Variants in PTPRM observed in about 807,000 individuals in gnomAD.
The protein encoded by PTPRM is protein tyrosine phosphatase receptor type M, also known as receptor-type tyrosine-protein phosphatase mu.
A neutral mutation model predicts 186.7 loss-of-function variants in PTPRM; 47 were observed. That is an observed-to-expected ratio of 0.25 (90% CI 0.20 to 0.32). PTPRM has a LOEUF of 0.32. Among genes scored for constraint, PTPRM ranks in the 10% least tolerant of loss-of-function variants. PTPRM has a pLI of 1.00. For synonymous variants in PTPRM, 668 were observed against 674.9 expected (o/e 0.99, Z 0.16); for missense variants, 1,494 against 1,865.0 (o/e 0.80, Z 3.66).
chr18:7,631,678 G>T (rs2038195059), intron 1 of PTPRM, among the ~76,000 whole-genome samples: 1 of 152,076 alleles, frequency 6.6e-6, no homozygotes, highest in African/African-American at 2.4e-5. Context: ...GCTATTGTTA[G>T]TGTTGGTATG....
At chr18:8,094,218 A>T (rs1010455873) in intron 11 of PTPRM, among the ~76,000 whole-genome samples, 1 of 152,154 alleles carries the variant, frequency 6.6e-6, no homozygotes, top group African/African-American at 2.4e-5. Flanking sequence ...TTAAGATATA[A>T]ATATTCTGGC....
At chr18:8,087,126 A>T (rs761600515) in intron 10 of PTPRM, among the ~76,000 whole-genome samples, 3 of 152,134 alleles carry the variant, frequency 2.0e-5, no homozygotes, top group Non-Finnish European at 4.4e-5. Context: ...ACTCCTACAT[A>T]CAAATTAAGA....
At chr18:8,198,804 G>A (rs983185963) in intron 14 of PTPRM, among the ~76,000 whole-genome samples, 4 of 152,140 alleles carry the variant, frequency 2.6e-5, no homozygotes, top group African/African-American at 7.2e-5. Context: ...CTAAGATACC[G>A]ATAGCCCCCC....
chr18:8,051,457 C>T (rs1005884595), intron 7 of PTPRM, among the ~76,000 whole-genome samples: 3 of 152,216 alleles, frequency 2.0e-5, no homozygotes, highest in African/African-American at 7.2e-5. Flanking sequence ...GTCTCCAGAA[C>T]AGAGGTAGCC....
intron 7 of PTPRM, among the ~76,000 whole-genome samples, chr18:7,978,504 A>G (rs899183447): frequency 1.3e-5 from 2 of 152,228 alleles, no homozygotes; most frequent in Non-Finnish European, 2.9e-5. Flanking sequence ...CCCAAAGGAT[A>G]TCTAGACTTA....
At chr18:8,109,475 A>G (rs1278853058) in intron 11 of PTPRM, among the ~76,000 whole-genome samples, 4 of 152,208 alleles carry the variant, frequency 2.6e-5, no homozygotes, top group Non-Finnish European at 5.9e-5. Context: ...ATGAGTGGAT[A>G]GTAGCCATTT....
chr18:7,969,860 G>T (rs2054418080), intron 7 of PTPRM, among the ~76,000 whole-genome samples: 1 of 3,480 alleles, frequency 2.9e-4, no homozygotes. Context: ...TGGATTCACA[G>T]CCGAATTCTA....
chr18:7,985,195 A>C (rs2082857068), intron 7 of PTPRM, among the ~76,000 whole-genome samples: 1 of 124,642 alleles, frequency 8.0e-6, no homozygotes, highest in Non-Finnish European at 1.6e-5. Context: ...ACACATATAA[A>C]TATATACATA....
intron 1 of PTPRM, among the ~76,000 whole-genome samples, chr18:7,664,332 GC>G (rs1568014732): frequency 6.6e-6 from 1 of 152,208 alleles, no homozygotes; most frequent in Admixed American, 6.5e-5. Context: ...CAGGTCCACA[GC>G]TCATGTGCCA....
intron 1 of PTPRM, among the ~76,000 whole-genome samples, chr18:7,652,842 A>G (rs916357473): frequency 6.6e-6 from 1 of 151,802 alleles, no homozygotes; most frequent in African/African-American, 2.4e-5. Flanking sequence ...AGCATGGCAC[A>G]TGTATACATA....
intron 21 of PTPRM, 107 bp downstream of exon 21, chr18:8,314,964 A>G (rs1345246863): frequency 2.8e-6 from 2 of 711,386 alleles, no homozygotes; most frequent in South Asian, 2.0e-5. Flanking sequence ...AAATCAGAGT[A>G]TAAAACTCAG....
intron 7 of PTPRM, among the ~76,000 whole-genome samples, chr18:7,999,136 G>T (rs1377922891): frequency 6.6e-6 from 1 of 152,164 alleles, no homozygotes; most frequent in Non-Finnish European, 1.5e-5. Context: ...TTCCGCTGCA[G>T]AGTGCACTCA....
In PTPRM at chr18:7,687,254, C is replaced by G. The variant is rs193265294; in HGVS notation, c.74-86895C>G. ...ACTTAAAATATGAGATTTCTAAATT[C>G]ACAGCAAAAAGGATTTTGTTGTGAA... On this transcript the variant is annotated intron_variant, in intron 1 of 32. Transcript: ENST00000580170. Among the ~76,000 whole-genome samples the G allele has an allele frequency of 3.7e-3, 566 of 152,182 alleles. 5 individuals are homozygous for G. The highest frequency in any genetic ancestry group is 0.014 in the Admixed American group (210 of 15,278).
At position 7,922,636 on chromosome 18, in the gene PTPRM, C is replaced by A. The variant is rs568352319; in HGVS notation, c.548-3932C>A. 2.6e-5 allele frequency among the ~76,000 whole-genome samples: 4 copies of A among 152,216 alleles called. No homozygotes were observed. The South Asian group carries it at 8.3e-4, about 32-fold the overall frequency. Reference sequence around the variant, plus strand: ...CTCTGGCTCCTGGAATAGTCTCATCCTCATATTTGAGTTCTTGGGTATTGC... The same window carrying A: ...CTCTGGCTCCTGGAATAGTCTCATCATCATATTTGAGTTCTTGGGTATTGC... On this transcript the variant is annotated intron_variant, in intron 4 of 32. Transcript: ENST00000580170.
intron 1 of PTPRM, among the ~76,000 whole-genome samples, chr18:7,570,726 T>C (rs2036546418): frequency 6.6e-6 from 1 of 152,202 alleles, no homozygotes; most frequent in South Asian, 2.1e-4. Context: ...CACAAGGCAC[T>C]CTGCCCTTTG....
intron 3 of PTPRM, among the ~76,000 whole-genome samples, chr18:7,900,544 GGTGTGTGT>G (rs533423695): frequency 6.6e-6 from 1 of 150,664 alleles, no homozygotes; most frequent in African/African-American, 2.4e-5. Context: ...TACATTAAAA[GGTGTGTGT>G]GTGTGTGTGT....
rs377042980 is a variant in PTPRM at position 8,354,099 on chromosome 18, G to C, written c.3054+10579G>C. Among the ~76,000 whole-genome samples the C allele has an allele frequency of 2.0e-5, 3 of 152,144 alleles. No homozygotes were observed. In the South Asian group the frequency reaches 6.2e-4, roughly 32 times the overall value. On this transcript the variant is annotated intron_variant, in intron 23 of 32. Coordinates refer to ENST00000580170, the MANE Select transcript of PTPRM (RefSeq NM_001105244.2). ...GTGGTGGCGGGTGCCTGTAATCCCA[G>C]CTACTTGGGAGGCTGAGGCAGGAGA...
chr18:7,738,976 A>G (rs1242558351), intron 1 of PTPRM, among the ~76,000 whole-genome samples: 1 of 151,956 alleles, frequency 6.6e-6, no homozygotes, highest in Non-Finnish European at 1.5e-5. Context: ...TTTTGGTGCA[A>G]GTTTGGCTTT....
intron 7 of PTPRM, among the ~76,000 whole-genome samples, chr18:7,972,548 T>C: frequency 6.6e-6 from 1 of 150,558 alleles, no homozygotes; most frequent in Non-Finnish European, 1.5e-5. Context: ...AAAGGGCTTT[T>C]TAGAAATACA....
Sources: allele counts gnomAD v4.1 joint callset (sites outside exome capture counted in the v4.1 genomes callset), GRCh38; gene constraint gnomAD v4.1.1; transcripts MANE v1.5; gene names NCBI Gene and HGNC (gene_info 2026-07-23, HGNC 2026-07-21).